Variants in PRDM16 observed in about 807,000 individuals in gnomAD.
PRDM16 encodes PR/SET domain 16.
Under a neutral mutation model 110.6 loss-of-function variants are expected in PRDM16, and 23 were observed. That is an observed-to-expected ratio of 0.21 (90% confidence interval 0.15 to 0.29). The LOEUF (loss-of-function observed/expected upper bound fraction) is 0.29, where lower values mean the gene tolerates loss of function less well. Ranked by LOEUF, PRDM16 falls within the 10% of genes least tolerant of loss-of-function variation. PRDM16 has a pLI of 1.00. For missense variants in PRDM16, 1,615 were observed against 1,794.3 expected, an observed-to-expected ratio of 0.90 and a Z score of 1.81; for synonymous variants, 799 against 781.8, an observed-to-expected ratio of 1.02 and a Z score of -0.37.
At chr1:3,251,376 C>T (rs908742617) in intron 3 of PRDM16, among the ~76,000 whole-genome samples, 3 of 152,212 alleles carry the variant, frequency 2.0e-5, no homozygotes, top group South Asian at 2.1e-4. Flanking sequence ...GGGGTGAGAG[C>T]GGAGCAGTCA....
At chr1:3,407,296 C>T (rs1006764160) in intron 8 of PRDM16, among the ~76,000 whole-genome samples, 20 of 152,230 alleles carry the variant, frequency 1.3e-4, no homozygotes, top group Admixed American at 4.6e-4. Flanking sequence ...GGGGTGACTC[C>T]GCCCCCAGCC....
At chr1:3,100,253 G>A (rs1411525986) in intron 1 of PRDM16, among the ~76,000 whole-genome samples, 3 of 152,200 alleles carry the variant, frequency 2.0e-5, no homozygotes, top group Admixed American at 6.5e-5. Flanking sequence ...TGGGAAGGAG[G>A]TAGATGGATG....
chr1:3,096,197 T>G (rs1223319893), intron 1 of PRDM16, among the ~76,000 whole-genome samples: 1 of 152,174 alleles, frequency 6.6e-6, no homozygotes, highest in Admixed American at 6.5e-5. Flanking sequence ...TCGGCTTTCC[T>G]GCTCCTCTTC....
intron 3 of PRDM16, among the ~76,000 whole-genome samples, chr1:3,375,094 A>G (rs1264053368): frequency 6.6e-6 from 1 of 152,190 alleles, no homozygotes; most frequent in East Asian, 1.9e-4. Flanking sequence ...GAGGCTTTCT[A>G]GCTCCAAAGG....
intron 1 of PRDM16, among the ~76,000 whole-genome samples, chr1:3,102,221 C>T (rs1642550610): frequency 6.6e-6 from 1 of 152,190 alleles, no homozygotes; most frequent in African/African-American, 2.4e-5. Context: ...GAGGTGGCGC[C>T]ACCACCCAGG....
chr1:3,343,609 C>T (rs1642310989), intron 3 of PRDM16, among the ~76,000 whole-genome samples: 1 of 151,696 alleles, frequency 6.6e-6, no homozygotes, highest in African/African-American at 2.4e-5. Context: ...GGCTCTTTTC[C>T]TTTGGTTTCA....
Position 3,404,003 on chromosome 1 carries a change from A to G in PRDM16, c.885-736A>G, listed in dbSNP as rs145917818. 4.4e-3 allele frequency among the ~76,000 whole-genome samples: 671 copies of G among 152,328 alleles called. 8 individuals carry two copies. The highest frequency in any genetic ancestry group is 0.015 in the African/African-American group (624 of 41,572). On this transcript the variant is annotated intron_variant, in intron 6 of 16. Coordinates refer to ENST00000270722, the MANE Select transcript of PRDM16 (RefSeq NM_022114.4). ...GCTCAAGAGGGTCCGTGTTTTCTTTACATAAACACATAAATCACAATTAAC... is the reference window on the plus strand; with the variant it reads ...GCTCAAGAGGGTCCGTGTTTTCTTTGCATAAACACATAAATCACAATTAAC...
rs1638995845 is a variant in PRDM16, at chr1:3,215,369, G to GACAGGCAAGGCCCACAGGA, written c.388-28718_388-28717insACAGGCAAGGCCCACAGGA. Among the ~76,000 whole-genome samples the GACAGGCAAGGCCCACAGGA allele has an allele frequency of 6.9e-5, 8 of 115,890 alleles. No individual in the cohort carries two copies. The East Asian group carries it at 1.5e-3, about 22-fold the overall frequency. The allele number at this position is 115,890 out of a possible 152,430, so 76.0% of individuals were successfully genotyped here. Reference sequence around the variant, plus strand: ...CCTGGGGACAGGCAAGGCCCACGGGGTCCAGGAGAACAGGGCCTCCAGGAG... The same window carrying GACAGGCAAGGCCCACAGGA: ...CCTGGGGACAGGCAAGGCCCACGGGGACAGGCAAGGCCCACAGGATCCAGGAGAACAGGGCCTCCAGGAG... On this transcript the variant is annotated intron_variant, in intron 2 of 16. Transcript: ENST00000270722.
intron 8 of PRDM16, among the ~76,000 whole-genome samples, chr1:3,410,734 C>T (rs910383700): frequency 5.9e-5 from 9 of 152,174 alleles, no homozygotes; most frequent in African/African-American, 1.9e-4. Context: ...CCCACCCCTG[C>T]TAGAACAGCT....
At position 3,250,055 on chromosome 1, in the gene PRDM16, G is replaced by A. The variant is rs535864043; in HGVS notation, c.438+5918G>A. On this transcript the variant is annotated intron_variant, in intron 3 of 16. Transcript: ENST00000270722. ...GGCAGCGCTGGGCCGTGGCCCTGGG[G>A]ACCCTCATCCGCCCCTGGGGACCAG... Among the ~76,000 whole-genome samples the A allele has an allele frequency of 2.4e-4, 36 of 152,230 alleles. 1 individual carries two copies. In the South Asian group the frequency reaches 7.3e-3, roughly 31 times the overall value.
chr1:3,124,152 C>A (rs940709229), intron 1 of PRDM16, among the ~76,000 whole-genome samples: 4 of 152,146 alleles, frequency 2.6e-5, no homozygotes, highest in African/African-American at 9.7e-5. Flanking sequence ...TGGACAGGGC[C>A]GTGGAGCTGG....
chr1:3,089,626 G>A (rs1642227754), intron 1 of PRDM16, among the ~76,000 whole-genome samples: 1 of 152,232 alleles, frequency 6.6e-6, no homozygotes, highest in Non-Finnish European at 1.5e-5. Context: ...TGCCGGTGAG[G>A]GGCTCCCCGT....
chr1:3,235,129 G>A (rs541828821), intron 2 of PRDM16, among the ~76,000 whole-genome samples: 1 of 152,340 alleles, frequency 6.6e-6, no homozygotes, highest in South Asian at 2.1e-4. Flanking sequence ...ACCGAGCCCT[G>A]CCTGCAGGTC....
chr1:3,352,163 C>T (rs889837486), intron 3 of PRDM16, among the ~76,000 whole-genome samples: 3 of 152,198 alleles, frequency 2.0e-5, no homozygotes, highest in Non-Finnish European at 4.4e-5. Flanking sequence ...TCCACCTGCC[C>T]GGCCCTGGCA....
rs1277412324 is a variant in PRDM16 at position 3,148,510 on chromosome 1, AG to A, written c.38-37610del. ...CCCTGCCTCACCTTCCCTGCTTCTGAGGGGGCAGCTCCCCATAGTGGTGGCC... is the reference window on the plus strand; with the variant it reads ...CCCTGCCTCACCTTCCCTGCTTCTGAGGGGCAGCTCCCCATAGTGGTGGCC... On this transcript the variant is annotated intron_variant, in intron 1 of 16. Coordinates refer to ENST00000270722, the MANE Select transcript of PRDM16 (RefSeq NM_022114.4). This position sits in a 1 kb window ranked among gnomAD's most constrained non-coding sequence, Gnocchi z 5.0. Among the ~76,000 whole-genome samples, 1 of 152,092 alleles carries A rather than the reference AG, an allele frequency of 6.6e-6. No homozygotes were observed. The highest frequency in any genetic ancestry group is 1.5e-5 in the Non-Finnish European group (1 of 68,008).
chr1:3,358,351 AGG>A lies in PRDM16; in HGVS notation c.439-26799_439-26798del, dbSNP rs1642649604. 1.3e-5 allele frequency among the ~76,000 whole-genome samples: 2 copies of A among 152,154 alleles called. No homozygotes were observed. Among genetic ancestry groups the A allele is most frequent in the Admixed American group, 6.5e-5 (1 of 15,278 alleles). ...GGATGCGAGACCTTCCCCCTGGCTG[AGG>A]GTGCTGGAGAAGACCTGGGCAGTGG... On this transcript the variant is annotated intron_variant, in intron 3 of 16. Coordinates refer to ENST00000270722, the MANE Select transcript of PRDM16 (RefSeq NM_022114.4). This position sits in a 1 kb window ranked among gnomAD's most constrained non-coding sequence, Gnocchi z 4.0.
intron 1 of PRDM16, among the ~76,000 whole-genome samples, chr1:3,094,770 G>T (rs575628357): frequency 9.8e-4 from 149 of 152,348 alleles, no homozygotes; most frequent in Non-Finnish European, 1.8e-3. Flanking sequence ...AGGCCTTCGG[G>T]TGCTTCCCGG....
chr1:3,257,268 T>C (rs1640072544), intron 3 of PRDM16, among the ~76,000 whole-genome samples: 1 of 152,186 alleles, frequency 6.6e-6, no homozygotes, highest in Non-Finnish European at 1.5e-5. Flanking sequence ...AGTTTCTGGC[T>C]CTCTGCCTTC....
intron 1 of PRDM16, among the ~76,000 whole-genome samples, chr1:3,114,177 ACACACACG>A (rs772923541): frequency 3.4e-4 from 34 of 99,902 alleles, no homozygotes; most frequent in East Asian, 8.5e-4. Flanking sequence ...ACACACACGC[ACACACACG>A]CACACACGCA....
Sources: allele counts gnomAD v4.1 joint callset (sites outside exome capture counted in the v4.1 genomes callset), GRCh38; gene constraint gnomAD v4.1.1; non-coding constraint Gnocchi (gnomAD v3.1); transcripts MANE v1.5; gene names NCBI Gene and HGNC (gene_info 2026-07-23, HGNC 2026-07-21).